The following FGF12 variants were observed in gnomAD, a reference collection of about 807,000 sequenced individuals.
FGF12 encodes fibroblast growth factor 12B.
FGF12 carries 14 observed loss-of-function variants against 23.6 expected under a neutral mutation model. The ratio of observed to expected loss-of-function variants is 0.59; its 90% CI spans 0.39 to 0.93. FGF12 has a LOEUF of 0.93. FGF12 is among the 40% of genes least tolerant of loss of function. The pLI is 0.00. For missense variants in FGF12, 175 were observed against 217.8 expected (o/e 0.80, Z 1.24); for synonymous variants, 62 against 77.3 (o/e 0.80, Z 1.04).
intron 2 of FGF12, among the ~76,000 whole-genome samples, chr3:192,654,212 C>G (rs985138135): frequency 1.3e-5 from 2 of 152,168 alleles, no homozygotes; most frequent in African/African-American, 2.4e-5. Context: ...GTTTGGAGGC[C>G]AAGTAGGAGG....
chr3:192,283,169 T>C (rs905641396), intron 4 of FGF12: 1 of 152,242 alleles, frequency 6.6e-6, no homozygotes, highest in Admixed American at 6.6e-5. Context: ...TTTTTGAATG[T>C]TATCTAAAAT....
chr3:192,457,061 C>T (rs147749852), intron 2 of FGF12, among the ~76,000 whole-genome samples: 5 of 152,270 alleles, frequency 3.3e-5, no homozygotes, highest in Admixed American at 6.5e-5. Flanking sequence ...CAGGGGTTTC[C>T]GCTTTTGCAT....
chr3:192,516,768 C>T (rs1724681529), intron 2 of FGF12: 1 of 152,226 alleles, frequency 6.6e-6, no homozygotes, highest in South Asian at 2.1e-4. Flanking sequence ...ATCACAAGCT[C>T]TTTAAGCTCC....
chr3:192,206,199 C>G (rs1717641344), intron 4 of FGF12, among the ~76,000 whole-genome samples: 1 of 152,136 alleles, frequency 6.6e-6, no homozygotes, highest in South Asian at 2.1e-4. Context: ...TTTCCCTTTC[C>G]CTGAAAAACT....
intron 5 of FGF12, among the ~76,000 whole-genome samples, chr3:192,169,122 C>T (rs758776308): frequency 6.6e-5 from 10 of 152,102 alleles, no homozygotes; most frequent in Non-Finnish European, 1.2e-4. Flanking sequence ...GGGCAGATAA[C>T]CTGAGGTCAG....
At position 192,452,163 on chromosome 3, in the gene FGF12, G is replaced by T. The variant is rs115359715; in HGVS notation, c.14-91625C>A. 3.3e-3 allele frequency among the ~76,000 whole-genome samples: 503 copies of T among 152,196 alleles called. 1 individual carries two copies. Among genetic ancestry groups the T allele is most frequent in the African/African-American group, 0.012 (484 of 41,552 alleles). On this transcript the variant is annotated intron_variant, in intron 2 of 5. Coordinates refer to ENST00000445105, the MANE Select transcript of FGF12 (RefSeq NM_004113.6). ...TTTGGTACATATTTTCTATCAAATT[G>T]AGAAAGATCCTTATATTTCTCAGTT...
chr3:192,625,376 T>C (rs1715129505), intron 2 of FGF12, among the ~76,000 whole-genome samples: 1 of 152,156 alleles, frequency 6.6e-6, no homozygotes, highest in Non-Finnish European at 1.5e-5. Flanking sequence ...TTAAAAATGG[T>C]ATATTGATGT....
At chr3:192,640,684 C>T (rs931019891) in intron 2 of FGF12, among the ~76,000 whole-genome samples, 3 of 152,168 alleles carry the variant, frequency 2.0e-5, no homozygotes, top group Admixed American at 2.0e-4. Flanking sequence ...GGTAAAAGTT[C>T]ATTTTTCTAT....
At chr3:192,488,343 G>C (rs556799228) in intron 2 of FGF12, among the ~76,000 whole-genome samples, 234 of 152,136 alleles carry the variant, frequency 1.5e-3, no homozygotes, top group Non-Finnish European at 2.5e-3. Flanking sequence ...CGAAAATAGA[G>C]TTACCTAAAT....
At chr3:192,277,210 G>A (rs1387704673) in intron 4 of FGF12, among the ~76,000 whole-genome samples, 1 of 152,098 alleles carries the variant, frequency 6.6e-6, no homozygotes. Context: ...ATTCACTGCT[G>A]TCCCTATCAA....
At chr3:192,197,252 C>G (rs919972250) in intron 4 of FGF12, among the ~76,000 whole-genome samples, 1 of 152,100 alleles carries the variant, frequency 6.6e-6, no homozygotes, top group Admixed American at 6.6e-5. Context: ...CTACATGAAA[C>G]TCTATAGACA....
At chr3:192,592,092 T>C (rs1713650613) in intron 2 of FGF12, among the ~76,000 whole-genome samples, 1 of 151,896 alleles carries the variant, frequency 6.6e-6, no homozygotes, top group Admixed American at 6.6e-5. Context: ...TAGCCCTGTA[T>C]ACCTGGATAC....
chr3:192,212,799 A>T (rs1718003982), intron 4 of FGF12, among the ~76,000 whole-genome samples: 1 of 150,996 alleles, frequency 6.6e-6, no homozygotes, highest in Admixed American at 6.6e-5. Context: ...GGGGGGGGTT[A>T]AAAAAAGAAA....
chr3:192,338,776 A>C (rs144059691), intron 3 of FGF12, among the ~76,000 whole-genome samples: 4 of 152,264 alleles, frequency 2.6e-5, no homozygotes. Flanking sequence ...TGCAGAGCCA[A>C]CTCTAATCCT....
At chr3:192,158,378 C>A (rs1052916513) in intron 5 of FGF12, among the ~76,000 whole-genome samples, 9 of 111,170 alleles carry the variant, frequency 8.1e-5, no homozygotes, top group Non-Finnish European at 1.5e-4. Flanking sequence ...TTCTTTCTTT[C>A]TTTCTTTTCT....
chr3:192,435,090 A>C (rs1369061900), intron 2 of FGF12, among the ~76,000 whole-genome samples: 1 of 152,114 alleles, frequency 6.6e-6, no homozygotes, highest in Non-Finnish European at 1.5e-5. Flanking sequence ...CATTTTCCTC[A>C]ACAGGGTAAG....
chr3:192,621,877 G>A (rs73887652), intron 2 of FGF12, among the ~76,000 whole-genome samples: 10,446 of 151,974 alleles, frequency 0.069, 1,222 homozygotes, highest in African/African-American at 0.24. Context: ...GGCAATAAGG[G>A]AAATTGGTAC....
chr3:192,292,427 G>C (rs967219692), intron 4 of FGF12, among the ~76,000 whole-genome samples: 1 of 151,960 alleles, frequency 6.6e-6, no homozygotes, highest in Admixed American at 6.6e-5. Context: ...CAGTGACCTT[G>C]ATTGCTTTAA....
At chr3:192,526,681 C>G (rs1164003199) in intron 2 of FGF12, among the ~76,000 whole-genome samples, 1 of 152,126 alleles carries the variant, frequency 6.6e-6, no homozygotes, top group Non-Finnish European at 1.5e-5. Context: ...AGATGCTACT[C>G]AAAACATAGG....
Sources: allele counts gnomAD v4.1 joint callset (sites outside exome capture counted in the v4.1 genomes callset), GRCh38; gene constraint gnomAD v4.1.1; transcripts MANE v1.5; gene names NCBI Gene and HGNC (gene_info 2026-07-23, HGNC 2026-07-21).